DST: variants seen among roughly 807,000 people sequenced by gnomAD.
DST encodes bullous pemphigoid antigen.
Under a neutral mutation model 875.2 loss-of-function variants are expected in DST, and 253 were observed. That is an observed-to-expected ratio of 0.29 (90% CI 0.26 to 0.32). The LOEUF (loss-of-function observed/expected upper bound fraction) is 0.32, where lower values mean the gene tolerates loss of function less well. Among genes scored for constraint, DST ranks in the 10% least tolerant of loss-of-function variants. The probability of loss-of-function intolerance (pLI) is 1.00; values close to 1 mark genes in which losing one functional copy is unlikely to be tolerated. For missense variants in DST, 8,287 were observed against 9,111.6 expected (o/e 0.91, Z 3.68); for synonymous variants, 3,124 against 3,197.1 (o/e 0.98, Z 0.77).
rs143438011 is a variant in DST at position 56,553,601 on chromosome 6, T to C, written c.15191A>G (p.Gln5064Arg). 1.6e-3 allele frequency: 2,648 copies of C among 1,613,792 alleles called. 39 individuals carry two copies. The African/African-American group carries it at 0.031, about 19-fold the overall frequency. Residue 5064 changes from glutamine (Q) to arginine (R), a missense_variant, in exon 61 of 104, where the codon CAA becomes CGA. Transcript: ENST00000680361. The stretch of plus-strand genomic sequence containing the variant: ...CCAAGCCTGAAAATCTCTAGACATT[T>C]GCTGAAATTGATGAGAGCTTGCACA... ...SACASSHQFQ[Q>R]MSRDFQAWLD...
At chr6:56,568,701 T>C (rs1394000873) in intron 54 of DST, 106 bp from the exon 55 acceptor site, 8 of 1,035,602 alleles carry the variant, frequency 7.7e-6, no homozygotes, top group Non-Finnish European at 1.1e-5. Context: ...TTGTAGACCC[T>C]GATTTGTGAG....
intron 2 of DST, among the ~76,000 whole-genome samples, chr6:56,916,659 G>C (rs1007103001): frequency 1.3e-5 from 2 of 151,708 alleles, no homozygotes; most frequent in South Asian, 2.1e-4. Flanking sequence ...AGGCTGAGGT[G>C]GGGGGATCTC....
At chr6:56,544,022 C>G (rs1261992894) in intron 61 of DST, among the ~76,000 whole-genome samples, 1 of 152,152 alleles carries the variant, frequency 6.6e-6, no homozygotes, top group Non-Finnish European at 1.5e-5. Flanking sequence ...AAATATCCAT[C>G]CACATCACAA....
At chr6:56,903,751 TGCGG>T (rs1172432672) in intron 2 of DST, among the ~76,000 whole-genome samples, 2 of 152,136 alleles carry the variant, frequency 1.3e-5, no homozygotes, top group Non-Finnish European at 2.9e-5. Flanking sequence ...AGCCATCGCA[TGCGG>T]CCAAAAATTC....
At chr6:56,474,097 T>C (rs2095046026) in intron 92 of DST, 95 bp from the exon 93 acceptor site, 2 of 1,086,132 alleles carry the variant, frequency 1.8e-6, no homozygotes, top group Non-Finnish European at 2.6e-6. Context: ...AGAACCATGT[T>C]ATTATTTCTG....
At chr6:56,768,701 T>G (rs935006802) in intron 4 of DST, among the ~76,000 whole-genome samples, 2 of 152,102 alleles carry the variant, frequency 1.3e-5, no homozygotes, top group East Asian at 1.9e-4. Context: ...TTGGATTCAT[T>G]AAAATTAAAA....
chr6:56,945,005 C>T (rs1818716415), intron 2 of DST, among the ~76,000 whole-genome samples: 1 of 152,194 alleles, frequency 6.6e-6, no homozygotes, highest in South Asian at 2.1e-4. Flanking sequence ...TCTCCAACCA[C>T]AAGAGAATGA....
chr6:56,876,813 C>T (rs1426793134), intron 3 of DST, among the ~76,000 whole-genome samples: 1 of 152,196 alleles, frequency 6.6e-6, no homozygotes, highest in Non-Finnish European at 1.5e-5. Flanking sequence ...CCCTCACCTG[C>T]ACTCTGTCCA....
Position 56,871,462 on chromosome 6 carries a change from T to C in DST, c.418-19858A>G, listed in dbSNP as rs1056754301. 68 of 1,594,728 alleles carry C rather than the reference T, an allele frequency of 4.3e-5. No individual in the cohort carries two copies. The Admixed American group carries it at 1.1e-3, about 27-fold the overall frequency. ...TGGCCCAAAAAGAGTGCTGAATTTT[T>C]GCTGCACATGCTTAAAAATGCAGAG... is the stretch of plus-strand genomic sequence containing the variant. On this transcript the variant is annotated intron_variant, in intron 3 of 103. Transcript: ENST00000680361.
chr6:56,607,998 A>G lies in DST; in HGVS notation c.6630T>C (p.Tyr2210=). Residue 2210 remains tyrosine (Y), a synonymous_variant, in exon 40 of 104, where the codon TAT becomes TAC. Transcript: ENST00000680361. ...GCCTTTGCCCTGTGTTTGCATCCAT[A>G]TAGCTATTTATCATTAAATAAGATA... The part of the protein sequence containing the change: ...LFLSYLMINS[Y]MDANTGQRLL... 3 of 1,613,356 alleles carry G rather than the reference A, an allele frequency of 1.9e-6. No homozygotes were observed. The highest frequency in any genetic ancestry group is 2.5e-6 in the Non-Finnish European group (3 of 1,179,600).
chr6:56,527,872 G>A, intron 67 of DST, 138 bp from the exon 68 acceptor site: 1 of 898,946 alleles, frequency 1.1e-6, no homozygotes, highest in Non-Finnish European at 1.6e-6. Context: ...TTACTCAAGA[G>A]AAGCCCTTTT....
At chr6:56,485,545 T>C (rs1195684459) in intron 87 of DST, 74 bp from the exon 88 acceptor site, 6 of 1,405,262 alleles carry the variant, frequency 4.3e-6, no homozygotes, top group African/African-American at 2.8e-5. Context: ...CTAAAATTAA[T>C]TGATGAAGGT....
intron 4 of DST, among the ~76,000 whole-genome samples, chr6:56,746,463 T>C (rs1050733413): frequency 6.6e-6 from 1 of 152,164 alleles, no homozygotes; most frequent in African/African-American, 2.4e-5. Context: ...ACCAGGAGAC[T>C]AAATGAATGA....
chr6:56,616,081 T>A (rs758478993), intron 36 of DST: 2 of 1,614,164 alleles, frequency 1.2e-6, no homozygotes, highest in South Asian at 2.2e-5. Context: ...AGGCTTTTAG[T>A]ACAGAGATCC....
chr6:56,572,423 A>T (rs2097792443), intron 52 of DST, among the ~76,000 whole-genome samples, 157 bp from the exon 53 acceptor site: 1 of 152,218 alleles, frequency 6.6e-6, no homozygotes, highest in South Asian at 2.1e-4. Context: ...ATAAACATGC[A>T]TATAGGCTAT....
chr6:56,461,012 T>C (rs1285825028), intron 102 of DST: 1 of 151,942 alleles, frequency 6.6e-6, no homozygotes, highest in African/African-American at 2.4e-5. Flanking sequence ...TCTCCCAAAG[T>C]TAAAAAAAAT....
intron 3 of DST, among the ~76,000 whole-genome samples, chr6:56,884,854 A>G (rs79466216): frequency 0.32 from 48,009 of 151,398 alleles, 8,544 homozygotes; most frequent in African/African-American, 0.48. Context: ...TCAGCCTCCC[A>G]GGTAGCTGAG....
At chr6:56,673,344 A>C (rs1415796155) in intron 9 of DST, among the ~76,000 whole-genome samples, 1 of 152,190 alleles carries the variant, frequency 6.6e-6, no homozygotes, top group Non-Finnish European at 1.5e-5. Flanking sequence ...TTATAAAATC[A>C]ACTGTTTTGG....
At chr6:56,581,084 C>T (rs554751845) in intron 49 of DST, among the ~76,000 whole-genome samples, 3 of 135,412 alleles carry the variant, frequency 2.2e-5, no homozygotes, top group African/African-American at 8.5e-5. Context: ...AAAGTGAGAG[C>T]AAGCTAAGAG....
Sources: gnomAD v4.1 joint callset for allele counts (sites outside exome capture counted in the v4.1 genomes callset) on GRCh38, gnomAD v4.1.1 for gene constraint, MANE v1.5 for transcripts, NCBI Gene and HGNC (gene_info 2026-07-23, HGNC 2026-07-21) for gene names.